Variants in TEX11 observed in about 807,000 individuals in gnomAD.
TEX11 encodes the protein testis-expressed protein 11.
Under a neutral mutation model 84.4 loss-of-function variants are expected in TEX11, and 7 were observed. The ratio of observed to expected loss-of-function variants is 0.08; its 90% CI spans 0.05 to 0.16. The LOEUF (loss-of-function observed/expected upper bound fraction) is 0.16. TEX11 is among the 10% of genes least tolerant of loss of function. TEX11 has a pLI of 1.00. For missense variants in TEX11, 551 were observed against 660.5 expected (o/e 0.83, Z 1.82); for synonymous variants, 264 against 222.8 (o/e 1.18, Z -1.64).
chrX:70,546,977 T>G (rs186521930), intron 28 of TEX11, among the ~76,000 whole-genome samples: 56 of 86,983 alleles, frequency 6.4e-4, no homozygotes, highest in African/African-American at 2.5e-3. Context: ...TATGAACTGA[T>G]GAACAGATAA....
intron 9 of TEX11, among the ~76,000 whole-genome samples, chrX:70,767,311 A>G (rs767705279): frequency 1.8e-5 from 2 of 112,258 alleles, no homozygotes; most frequent in African/African-American, 6.4e-5. Context: ...GAAACGATTT[A>G]GACATTTCTC....
chrX:70,788,991 G>T (rs866754477), intron 9 of TEX11, among the ~76,000 whole-genome samples: 29 of 78,547 alleles, frequency 3.7e-4, no homozygotes, highest in Non-Finnish European at 5.5e-4. Flanking sequence ...GAGAGAGAGA[G>T]AGAGAGAGAG....
chrX:70,666,976 T>C (rs1028863949), intron 16 of TEX11, among the ~76,000 whole-genome samples: 24 of 112,363 alleles, frequency 2.1e-4, no homozygotes, highest in African/African-American at 7.8e-4. Flanking sequence ...TTAGCACTTA[T>C]CAATATTTAA....
Position 70,811,557 on chromosome X carries a change from G to A in TEX11, c.607-4767C>T, listed in dbSNP as rs182054484. ...TATATACCCAGTAATGGGATGGCTGGGTCAAATGGTATTTCTAGTTCAAGA... is the reference window on the plus strand; with the variant it reads ...TATATACCCAGTAATGGGATGGCTGAGTCAAATGGTATTTCTAGTTCAAGA... On this transcript the variant is annotated intron_variant, in intron 8 of 29. Coordinates refer to ENST00000374333, the MANE Select transcript of TEX11 (RefSeq NM_031276.3). Among the ~76,000 whole-genome samples the A allele has an allele frequency of 1.5e-3, 165 of 111,411 alleles. 2 individuals are homozygous for A. The highest frequency in any genetic ancestry group is 0.015 in the Admixed American group (153 of 10,502).
chrX:70,762,440 G>A (rs2090914671), intron 9 of TEX11, among the ~76,000 whole-genome samples: 1 of 111,294 alleles, frequency 9.0e-6, no homozygotes, highest in African/African-American at 3.3e-5. Flanking sequence ...GCAGGAACCG[G>A]GCTGCACAGC....
chrX:70,649,641 G>T (rs2089788903), intron 17 of TEX11, among the ~76,000 whole-genome samples: 1 of 111,770 alleles, frequency 8.9e-6, no homozygotes, highest in South Asian at 3.8e-4. Context: ...GGGCATGGTG[G>T]TGCACACCTG....
chrX:70,522,060 A>G, the TEX11 span, among the ~76,000 whole-genome samples: 1 of 111,417 alleles, frequency 9.0e-6, no homozygotes, highest in Non-Finnish European at 1.9e-5. Flanking sequence ...GGGTTTCACC[A>G]TGTTGCCCAG....
chrX:70,665,472 C>T (rs2089968598), intron 16 of TEX11, among the ~76,000 whole-genome samples: 1 of 111,721 alleles, frequency 9.0e-6, no homozygotes, highest in South Asian at 3.7e-4. Flanking sequence ...GCTTAAGGCA[C>T]TACAAACACC....
intron 9 of TEX11, among the ~76,000 whole-genome samples, chrX:70,802,239 A>G (rs2091193303): frequency 8.9e-6 from 1 of 112,030 alleles, no homozygotes; most frequent in African/African-American, 3.2e-5. Flanking sequence ...ACCTAGGATT[A>G]AAGTAGACAT....
At chrX:70,516,597 A>G in the TEX11 span, among the ~76,000 whole-genome samples, 3 of 111,705 alleles carry the variant, frequency 2.7e-5, no homozygotes, top group African/African-American at 6.5e-5. Flanking sequence ...TTGTCTTAGC[A>G]ATGCGGGCTC....
rs375804237 is a variant in TEX11 at position 70,678,774 on chromosome X, T to C, written c.1242+30A>G. The C allele has an allele frequency of 1.3e-5, 15 of 1,155,570 alleles. 1 individual carries two copies. The African/African-American group carries it at 1.8e-4, about 14-fold the overall frequency. On this transcript the variant is annotated intron_variant, in intron 15 of 29. Coordinates refer to ENST00000374333, the MANE Select transcript of TEX11 (RefSeq NM_031276.3). ...ACTATTTTTTGTTGCAGTGGAGAAATAAAGAATGAAAAAGAGATTATTCTC... is the reference window on the plus strand; with the variant it reads ...ACTATTTTTTGTTGCAGTGGAGAAACAAAGAATGAAAAAGAGATTATTCTC...
chrX:70,839,889 G>A (rs2091431534), intron 7 of TEX11, among the ~76,000 whole-genome samples: 1 of 111,733 alleles, frequency 8.9e-6, no homozygotes, highest in Non-Finnish European at 1.9e-5. Context: ...AAGGGTATCA[G>A]TGATGGAAGA....
At chrX:70,773,494 G>A (rs1379293980) in intron 9 of TEX11, among the ~76,000 whole-genome samples, 1 of 111,554 alleles carries the variant, frequency 9.0e-6, no homozygotes, top group Non-Finnish European at 1.9e-5. Flanking sequence ...AAAAAGCTGT[G>A]GGAGTTCATC....
At chrX:70,653,888 T>G (rs770057309) in intron 16 of TEX11, among the ~76,000 whole-genome samples, 1 of 111,888 alleles carries the variant, frequency 8.9e-6, no homozygotes, top group Non-Finnish European at 1.9e-5. Context: ...TAAAAGGACA[T>G]GAAGGAATCT....
chrX:70,578,973 T>C (rs1490022154), intron 25 of TEX11, among the ~76,000 whole-genome samples: 3 of 107,637 alleles, frequency 2.8e-5, no homozygotes, highest in Non-Finnish European at 3.8e-5. Flanking sequence ...GGTTTCGCCA[T>C]GTTGGCCAGA....
At chrX:70,564,396 TTTTTA>T (rs1165421036) in intron 25 of TEX11, among the ~76,000 whole-genome samples, 3 of 111,708 alleles carry the variant, frequency 2.7e-5, no homozygotes, top group East Asian at 2.8e-4. Flanking sequence ...TATTTCTTTC[TTTTTA>T]TTTTATTTTA....
chrX:70,519,303 G>T, the TEX11 span, among the ~76,000 whole-genome samples: 2 of 111,909 alleles, frequency 1.8e-5, no homozygotes, highest in South Asian at 7.6e-4. Flanking sequence ...TGTAAGGGAG[G>T]CCTGCTGGTG....
intron 24 of TEX11, among the ~76,000 whole-genome samples, chrX:70,597,087 G>C (rs1167452376): frequency 1.8e-5 from 2 of 111,974 alleles, no homozygotes; most frequent in Admixed American, 1.9e-4. Flanking sequence ...AATCTGAAGA[G>C]ACTACAAAAA....
chrX:70,586,368 T>G (rs1282822414), intron 25 of TEX11, among the ~76,000 whole-genome samples: 2 of 112,121 alleles, frequency 1.8e-5, no homozygotes, highest in Admixed American at 1.9e-4. Flanking sequence ...AAGGACATTA[T>G]CAAGAAAGTG....
Sources: allele counts gnomAD v4.1 joint callset (sites outside exome capture counted in the v4.1 genomes callset), GRCh38; gene constraint gnomAD v4.1.1; transcripts MANE v1.5; gene names NCBI Gene and HGNC (gene_info 2026-07-23, HGNC 2026-07-21).